FAR2: variants seen among roughly 807,000 people sequenced by gnomAD.
FAR2 encodes fatty acyl-CoA reductase 2.
Under a neutral mutation model 56.0 loss-of-function variants are expected in FAR2, and 19 were observed. The ratio of observed to expected loss-of-function variants is 0.34; its 90% CI spans 0.24 to 0.50. The LOEUF (loss-of-function observed/expected upper bound fraction) is 0.50, where lower values mean the gene tolerates loss of function less well. Among genes scored for constraint, FAR2 ranks in the 20% least tolerant of loss-of-function variants. The pLI is 0.98. For synonymous variants in FAR2, 219 were observed against 218.8 expected (o/e 1.00, Z -0.01); for missense variants, 508 against 642.2 (o/e 0.79, Z 2.26).
intron 8 of FAR2, 121 bp from the exon 9 acceptor site, chr12:29,316,720 T>A: frequency 2.0e-6 from 2 of 980,070 alleles, no homozygotes; most frequent in Non-Finnish European, 3.0e-6. Context: ...CAGAAATTGA[T>A]TCTTGACTCT....
chr12:29,289,042 C>T (rs1306772728), intron 2 of FAR2, among the ~76,000 whole-genome samples: 1 of 152,020 alleles, frequency 6.6e-6, no homozygotes, highest in Admixed American at 6.6e-5. Flanking sequence ...TTGAAGAGGA[C>T]ACCAAAAACT....
intron 1 of FAR2, among the ~76,000 whole-genome samples, chr12:29,257,328 G>A (rs1948336890): frequency 6.6e-6 from 1 of 152,124 alleles, no homozygotes; most frequent in Admixed American, 6.5e-5. Flanking sequence ...AATCTGGTGG[G>A]GACGTGGAGA....
At chr12:29,328,216 C>T (rs1949678794) in intron 10 of FAR2, among the ~76,000 whole-genome samples, 2 of 152,144 alleles carry the variant, frequency 1.3e-5, no homozygotes, top group African/African-American at 4.8e-5. Context: ...TACCATCTCA[C>T]ACCAGTTAGA....
intron 1 of FAR2, among the ~76,000 whole-genome samples, chr12:29,221,119 T>A (rs529243731): frequency 3.7e-4 from 57 of 152,144 alleles, no homozygotes; most frequent in African/African-American, 1.3e-3. Context: ...ACCAGGGGCG[T>A]ATTCCTGTAA....
At chr12:29,267,212 C>T (rs949264438) in intron 1 of FAR2, among the ~76,000 whole-genome samples, 8 of 151,712 alleles carry the variant, frequency 5.3e-5, no homozygotes, top group Non-Finnish European at 1.0e-4. Context: ...ACAAAATGTA[C>T]GAGACAGGAC....
At chr12:29,229,294 A>C (rs1947817489) in intron 1 of FAR2, among the ~76,000 whole-genome samples, 1 of 152,180 alleles carries the variant, frequency 6.6e-6, no homozygotes, top group Non-Finnish European at 1.5e-5. Flanking sequence ...TGGAAGTCTG[A>C]TTGTTAAACA....
intron 8 of FAR2, among the ~76,000 whole-genome samples, 165 bp downstream of exon 8, chr12:29,312,115 G>C (rs563537662): frequency 6.6e-6 from 1 of 152,282 alleles, no homozygotes; most frequent in South Asian, 2.1e-4. Flanking sequence ...TAACTAGAAT[G>C]TACTGTGGTT....
intron 1 of FAR2, among the ~76,000 whole-genome samples, chr12:29,267,589 G>T (rs1948539497): frequency 6.6e-6 from 1 of 152,146 alleles, no homozygotes; most frequent in Admixed American, 6.6e-5. Context: ...TCCAAAGCAG[G>T]CAAGGCAAGA....
chr12:29,270,042 A>T (rs925355971), intron 1 of FAR2, among the ~76,000 whole-genome samples: 1 of 152,186 alleles, frequency 6.6e-6, no homozygotes, highest in Admixed American at 6.6e-5. Context: ...TGTCACAGAC[A>T]CTTTGAAATT....
chr12:29,235,914 G>A (rs1321274244), intron 1 of FAR2, among the ~76,000 whole-genome samples: 1 of 152,156 alleles, frequency 6.6e-6, no homozygotes, highest in Non-Finnish European at 1.5e-5. Flanking sequence ...GAGGGGGGAA[G>A]AAATAAGGAG....
intron 1 of FAR2, among the ~76,000 whole-genome samples, chr12:29,222,037 AC>A (rs1313799134): frequency 6.6e-6 from 1 of 152,068 alleles, no homozygotes; most frequent in Non-Finnish European, 1.5e-5. Context: ...TTTAGTAGAG[AC>A]GGGTTTCACC....
chr12:29,194,789 G>T (rs1250091366), intron 1 of FAR2, among the ~76,000 whole-genome samples: 2 of 152,104 alleles, frequency 1.3e-5, no homozygotes. Flanking sequence ...TTGTCAGCTT[G>T]CCCCAGTGTT....
At chr12:29,293,569 C>CA in intron 3 of FAR2, 94 bp downstream of exon 3, 3 of 1,166,452 alleles carry the variant, frequency 2.6e-6, no homozygotes, top group South Asian at 2.8e-5. Flanking sequence ...ACACTCTAAA[C>CA]AAAAAAGACA....
intron 9 of FAR2, among the ~76,000 whole-genome samples, chr12:29,320,773 GAA>G (rs1949537950): frequency 2.0e-5 from 3 of 152,186 alleles, no homozygotes; most frequent in Admixed American, 6.5e-5. Flanking sequence ...GATTGTATAT[GAA>G]AGTTTTTTGT....
intron 1 of FAR2, among the ~76,000 whole-genome samples, chr12:29,153,702 G>A (rs143974978): frequency 8.5e-5 from 13 of 152,272 alleles, no homozygotes; most frequent in South Asian, 4.1e-4. Context: ...AGGACAGAGC[G>A]CAGGTGAGAG....
chr12:29,286,053 A>G (rs74773089), intron 2 of FAR2, among the ~76,000 whole-genome samples: 10,410 of 75,970 alleles, frequency 0.14, 412 homozygotes, highest in South Asian at 0.27. Flanking sequence ...GCATGACCCA[A>G]CACACACACA....
At chr12:29,233,751 C>T (rs1429615113) in intron 1 of FAR2, among the ~76,000 whole-genome samples, 1 of 152,130 alleles carries the variant, frequency 6.6e-6, no homozygotes, top group Non-Finnish European at 1.5e-5. Context: ...TCTCATATTT[C>T]AAAGCATAAA....
chr12:29,209,916 T>C (rs1947523846), intron 1 of FAR2, among the ~76,000 whole-genome samples: 1 of 152,144 alleles, frequency 6.6e-6, no homozygotes, highest in Admixed American at 6.6e-5. Context: ...ATCATAACAA[T>C]TGTTATTAGG....
At chr12:29,321,312 G>A (rs1565523780) in intron 9 of FAR2, among the ~76,000 whole-genome samples, 1 of 152,152 alleles carries the variant, frequency 6.6e-6, no homozygotes, top group Non-Finnish European at 1.5e-5. Flanking sequence ...GCTCCCTTGA[G>A]CCCAGGAGTT....
Sources: allele counts gnomAD v4.1 joint callset (sites outside exome capture counted in the v4.1 genomes callset), GRCh38; gene constraint gnomAD v4.1.1; transcripts MANE v1.5; gene names NCBI Gene and HGNC (gene_info 2026-07-23, HGNC 2026-07-21).